CREB5: variants seen among roughly 807,000 people sequenced by gnomAD.
CREB5 encodes the protein cyclic AMP-responsive element-binding protein 5.
CREB5 carries 19 observed loss-of-function variants against 57.1 expected under a neutral mutation model. The ratio of observed to expected loss-of-function variants is 0.33; its 90% confidence interval spans 0.23 to 0.49. CREB5 has a LOEUF of 0.49. Ranked by LOEUF, CREB5 falls within the 20% of genes least tolerant of loss-of-function variation. The pLI is 0.99. For synonymous variants in CREB5, 238 were observed against 238.3 expected (o/e 1.00, Z 0.01); for missense variants, 579 against 671.6 (o/e 0.86, Z 1.52).
At position 28,321,125 on chromosome 7, in the gene CREB5, G is replaced by A. The variant is rs113608438; in HGVS notation, c.-25+21684G>A. Among the ~76,000 whole-genome samples the A allele has an allele frequency of 1.6e-3, 248 of 152,308 alleles. 2 individuals are homozygous for A. Among genetic ancestry groups the A allele is most frequent in the African/African-American group, 5.8e-3 (240 of 41,572 alleles). On this transcript the variant is annotated intron_variant, in intron 1 of 9. Transcript: ENST00000396299. The stretch of plus-strand genomic sequence containing the variant: ...TGTAGAGAGGATTAAACACGCTAGA[G>A]CATGTAAAGAACTTGGACACACTGC...
chr7:28,811,957 T>TTGGCCC (rs1451939219), intron 9 of CREB5, among the ~76,000 whole-genome samples: 2 of 152,264 alleles, frequency 1.3e-5, no homozygotes, highest in Non-Finnish European at 2.9e-5. Flanking sequence ...TTTCTCAATC[T>TTGGCCC]TGGCCCTATT....
chr7:28,769,890 A>G (rs2128775516), intron 7 of CREB5, among the ~76,000 whole-genome samples: 1 of 152,372 alleles, frequency 6.6e-6, no homozygotes, highest in Admixed American at 6.5e-5. Flanking sequence ...TCACTAGAGC[A>G]TTCTTCCAGC....
At chr7:28,394,070 C>CAAAAAAA (rs56166148) in intron 1 of CREB5, among the ~76,000 whole-genome samples, 7 of 53,000 alleles carry the variant, frequency 1.3e-4, no homozygotes, top group African/African-American at 6.4e-4. Context: ...GACTCTGTCT[C>CAAAAAAA]AAAAAAAAAA....
At chr7:28,547,028 G>A (rs1213167834) in intron 4 of CREB5, among the ~76,000 whole-genome samples, 3 of 152,230 alleles carry the variant, frequency 2.0e-5, no homozygotes, top group Admixed American at 6.5e-5. Context: ...AAGGTTGAAG[G>A]TAGAATATAT....
intron 3 of CREB5, among the ~76,000 whole-genome samples, chr7:28,504,631 G>GT (rs536038396): frequency 3.4e-4 from 52 of 152,138 alleles, no homozygotes; most frequent in African/African-American, 1.2e-3. Flanking sequence ...AGAGTTGAAA[G>GT]TTTTTTTTGT....
At chr7:28,759,138 T>C (rs1805505893) in intron 7 of CREB5, among the ~76,000 whole-genome samples, 3 of 152,220 alleles carry the variant, frequency 2.0e-5, no homozygotes, top group Admixed American at 2.0e-4. Context: ...ACACATATTT[T>C]TTGTTCAAAA....
intron 7 of CREB5, among the ~76,000 whole-genome samples, chr7:28,802,966 A>T (rs1223218655): frequency 6.6e-6 from 1 of 152,256 alleles, no homozygotes; most frequent in Non-Finnish European, 1.5e-5. Context: ...TCATTTATAC[A>T]TTGTCTGCAG....
chr7:28,413,092 A>ATGTG (rs10599936), intron 1 of CREB5, among the ~76,000 whole-genome samples, 175 bp downstream of exon 1: 1,825 of 147,286 alleles, frequency 0.012, 25 homozygotes, highest in Middle Eastern at 0.038. Flanking sequence ...ATGTGGAAGG[A>ATGTG]TGTGTGTGTG....
At chr7:28,446,816 G>T (rs1443386981) in intron 1 of CREB5, among the ~76,000 whole-genome samples, 1 of 151,742 alleles carries the variant, frequency 6.6e-6, no homozygotes, top group African/African-American at 2.4e-5. Flanking sequence ...CAAAACAAAA[G>T]TAAAAGAATA....
chr7:28,567,679 T>C (rs1026545279), intron 4 of CREB5, among the ~76,000 whole-genome samples: 4 of 152,176 alleles, frequency 2.6e-5, no homozygotes, highest in African/African-American at 9.7e-5. Context: ...TGATTGATTC[T>C]GAGGTCTGAA....
At chr7:28,493,740 T>C (rs1443894697) in intron 2 of CREB5, among the ~76,000 whole-genome samples, 1 of 152,128 alleles carries the variant, frequency 6.6e-6, no homozygotes, top group African/African-American at 2.4e-5. Flanking sequence ...TGACCAGAAG[T>C]CAGACAGCCA....
intron 7 of CREB5, among the ~76,000 whole-genome samples, chr7:28,762,749 T>A (rs959769413): frequency 2.0e-5 from 3 of 152,098 alleles, no homozygotes; most frequent in African/African-American, 7.2e-5. Context: ...TTTTTCTTTT[T>A]TTTGAGGCTG....
intron 5 of CREB5, among the ~76,000 whole-genome samples, chr7:28,597,911 A>G (rs1382751311): frequency 1.3e-5 from 2 of 152,182 alleles, no homozygotes; most frequent in Non-Finnish European, 2.9e-5. Flanking sequence ...GAATTCTGAG[A>G]AGGTAGAAAA....
chr7:28,367,443 A>G (rs185282879), intron 1 of CREB5, among the ~76,000 whole-genome samples: 5 of 152,336 alleles, frequency 3.3e-5, no homozygotes, highest in Non-Finnish European at 7.3e-5. Context: ...TGTGAAATGA[A>G]AAAACCTAGG....
intron 4 of CREB5, among the ~76,000 whole-genome samples, chr7:28,554,834 A>G (rs1286993313): frequency 1.3e-5 from 2 of 152,220 alleles, no homozygotes; most frequent in African/African-American, 4.8e-5. Flanking sequence ...GTGAATCTAG[A>G]CTGTTCACAT....
intron 5 of CREB5, among the ~76,000 whole-genome samples, chr7:28,655,075 G>A (rs1007655416): frequency 2.6e-5 from 4 of 151,926 alleles, no homozygotes; most frequent in Admixed American, 2.0e-4. Flanking sequence ...GCTAATTTTT[G>A]TATTATTTGT....
rs143680841 is a variant in CREB5 at position 28,806,913 on chromosome 7, A to C, written c.1027-2274A>C. ...CTGGCAATAAGAGATTATAATTCAC[A>C]AAAGGAAACAGTTAAAGGCAAAAAT... On this transcript the variant is annotated intron_variant, in intron 8 of 10. Transcript: ENST00000357727. Among the ~76,000 whole-genome samples the C allele has an allele frequency of 2.5e-4, 38 of 152,352 alleles. No individual in the cohort carries two copies. The East Asian group carries it at 7.1e-3, about 29-fold the overall frequency.
intron 1 of CREB5, among the ~76,000 whole-genome samples, chr7:28,340,233 A>T (rs777847318): frequency 1.3e-5 from 2 of 150,066 alleles, no homozygotes; most frequent in Non-Finnish European, 3.0e-5. Flanking sequence ...CACCACAGTT[A>T]GGAATGTTCT....
intron 5 of CREB5, among the ~76,000 whole-genome samples, chr7:28,657,909 T>C (rs1056611813): frequency 4.6e-5 from 7 of 152,194 alleles, no homozygotes; most frequent in Admixed American, 2.6e-4. Context: ...TATGGCTTTA[T>C]GTGTGTATAA....
Sources: allele counts gnomAD v4.1 joint callset (sites outside exome capture counted in the v4.1 genomes callset), GRCh38; gene constraint gnomAD v4.1.1; transcripts MANE v1.5; gene names NCBI Gene and HGNC (gene_info 2026-07-23, HGNC 2026-07-21).